Variants in NAA15 observed in about 807,000 individuals in gnomAD.
NAA15 encodes the protein N-terminal acetyltransferase.
In NAA15, 34 loss-of-function variants were observed where a neutral mutation model predicts 114.0. The ratio of observed to expected loss-of-function variants is 0.30; its 90% CI spans 0.23 to 0.40. The LOEUF (loss-of-function observed/expected upper bound fraction) is 0.40, where lower values mean the gene tolerates loss of function less well. Ranked by LOEUF, NAA15 falls within the 10% of genes least tolerant of loss-of-function variation. The pLI, the probability that NAA15 is intolerant of heterozygous loss-of-function variation, is 1.00. For synonymous variants in NAA15, 340 were observed against 338.0 expected, an observed-to-expected ratio of 1.01 and a Z score of -0.06; for missense variants, 658 against 1,004.5, an observed-to-expected ratio of 0.66 and a Z score of 4.66.
rs117673937 is a variant in NAA15 at position 139,352,559 on chromosome 4, A to G, written c.1014+948A>G. On this transcript the variant is annotated intron_variant, in intron 9 of 19. Coordinates refer to ENST00000296543, the MANE Select transcript of NAA15 (RefSeq NM_057175.5). Reference sequence around the variant, plus strand: ...GAAACACTTTAACCAGAATTACATAATGTGCATTTATTTGCCGGTCTTTTG... The same window carrying G: ...GAAACACTTTAACCAGAATTACATAGTGTGCATTTATTTGCCGGTCTTTTG... 3.7e-4 allele frequency among the ~76,000 whole-genome samples: 57 copies of G among 152,140 alleles called. No individual in the cohort carries two copies. In the East Asian group the frequency reaches 9.1e-3, roughly 24 times the overall value.
chr4:139,376,062 C>T (rs1042638661), intron 15 of NAA15, among the ~76,000 whole-genome samples: 2 of 152,126 alleles, frequency 1.3e-5, no homozygotes, highest in Non-Finnish European at 2.9e-5. Context: ...CTTCTTTCTT[C>T]CCCCTTGGCT....
intron 15 of NAA15, among the ~76,000 whole-genome samples, chr4:139,374,166 A>G (rs1748520889): frequency 6.6e-6 from 1 of 152,180 alleles, no homozygotes. Context: ...ATATCTTAAT[A>G]TGAGGATTAG....
At chr4:139,365,549 G>T (rs1332385832) in intron 14 of NAA15, among the ~76,000 whole-genome samples, 2 of 152,032 alleles carry the variant, frequency 1.3e-5, no homozygotes, top group Admixed American at 1.3e-4. Context: ...ACAATGTATG[G>T]GGTATGGGCT....
rs565253122 is a variant in NAA15 at position 139,388,756 on chromosome 4, A to G, written c.*672A>G. 22 of 152,770 alleles carry G rather than the reference A, an allele frequency of 1.4e-4. No homozygotes were observed. Among genetic ancestry groups the G allele is most frequent in the Admixed American group, 7.8e-4 (12 of 15,302 alleles). The allele number at this position is 152,770 out of a possible 1,614,324, so 9.5% of individuals were successfully genotyped here. ...TTCTTGTACCACAGTTTTTAACTGA[A>G]GGAACCAGTTGTAACAGTCTCAATT... On this transcript the variant is annotated 3_prime_UTR_variant, in exon 20 of 20. Transcript: ENST00000296543.
intron 1 of NAA15, among the ~76,000 whole-genome samples, chr4:139,321,147 C>G (rs1046238966): frequency 7.3e-5 from 11 of 151,138 alleles, no homozygotes; most frequent in African/African-American, 2.4e-4. Context: ...CCAAATATTT[C>G]TAATTTTTTT....
intron 1 of NAA15, among the ~76,000 whole-genome samples, chr4:139,308,670 C>G (rs1443324250): frequency 6.6e-6 from 1 of 152,158 alleles, no homozygotes; most frequent in Non-Finnish European, 1.5e-5. Flanking sequence ...GTGATCTCAG[C>G]TCACTGCACT....
intron 14 of NAA15, among the ~76,000 whole-genome samples, chr4:139,364,481 C>G (rs1579125917): frequency 1.3e-5 from 2 of 152,110 alleles, no homozygotes; most frequent in East Asian, 3.9e-4. Context: ...ACCTCCCTTC[C>G]TCCCCAAAAT....
chr4:139,381,946 A>G (rs1748767166), intron 17 of NAA15, among the ~76,000 whole-genome samples: 1 of 152,170 alleles, frequency 6.6e-6, no homozygotes, highest in Non-Finnish European at 1.5e-5. Context: ...TTGATTCTCA[A>G]GACTTATTAC....
chr4:139,356,431 T>C (rs536741217), intron 10 of NAA15: 32 of 152,334 alleles, frequency 2.1e-4, no homozygotes, highest in African/African-American at 7.5e-4. Flanking sequence ...ATTAATTTAA[T>C]AGTACTTTTT....
At chr4:139,314,991 T>TCAGGTCAGGTCAGGTCAGG (rs1560952660) in intron 1 of NAA15, among the ~76,000 whole-genome samples, 1 of 67,464 alleles carries the variant, frequency 1.5e-5, no homozygotes. Context: ...AAGCGTTCAG[T>TCAGGTCAGGTCAGGTCAGG]TCAGTTCAGT....
At chr4:139,324,346 A>G (rs930444816) in intron 1 of NAA15, among the ~76,000 whole-genome samples, 19 of 152,252 alleles carry the variant, frequency 1.2e-4, no homozygotes, top group African/African-American at 4.3e-4. Flanking sequence ...TGTTACAGGT[A>G]GGAGGACAAA....
chr4:139,308,527 C>G (rs1553991899), intron 1 of NAA15, among the ~76,000 whole-genome samples: 1 of 151,980 alleles, frequency 6.6e-6, no homozygotes, highest in African/African-American at 2.4e-5. Context: ...TAGAATATAA[C>G]AAAAAATCAA....
intron 15 of NAA15, 31 bp downstream of exon 15, chr4:139,370,435 G>A: frequency 6.7e-7 from 1 of 1,496,680 alleles, no homozygotes. Context: ...GCACAATTGA[G>A]TGACATTTTA....
rs1318298107 is a variant in NAA15 at position 139,360,564 on chromosome 4, C to T, written c.1475C>T (p.Ala492Val). 6.2e-7 allele frequency: 1 copy of T among 1,609,374 alleles called. No individual in the cohort carries two copies. ...TGCATGTGGTTCCAAACAGAATGTG[C>T]CCAGGCTTATAAAGCAATGAATAAA... ...MQCMWFQTEC[A>V]QAYKAMNKFG... The change falls in exon 13 of 20, where the codon GCC (alanine) becomes GTC (valine). Residue 492 changes from alanine (A) to valine (V), a missense_variant. Ala to Val is a moderately conservative substitution (Grantham distance 64, BLOSUM62 0). Transcript: ENST00000296543.
intron 1 of NAA15, among the ~76,000 whole-genome samples, chr4:139,326,147 T>C (rs888539664): frequency 2.0e-5 from 3 of 152,232 alleles, no homozygotes; most frequent in Admixed American, 2.0e-4. Context: ...TTTTATGTTT[T>C]TTTGTAAAAT....
chr4:139,366,741 T>C (rs951041933), intron 14 of NAA15, among the ~76,000 whole-genome samples: 30 of 152,084 alleles, frequency 2.0e-4, no homozygotes, highest in African/African-American at 6.3e-4. Context: ...GCCACGTAGG[T>C]AGGACTACAG....
chr4:139,321,543 C>T (rs1349441009), intron 1 of NAA15, among the ~76,000 whole-genome samples: 2 of 144,986 alleles, frequency 1.4e-5, no homozygotes, highest in Admixed American at 1.4e-4. Flanking sequence ...GAAATCTCTG[C>T]CCACTGCAAG....
At chr4:139,366,231 T>C (rs985731703) in intron 14 of NAA15, among the ~76,000 whole-genome samples, 1 of 152,124 alleles carries the variant, frequency 6.6e-6, no homozygotes, top group Non-Finnish European at 1.5e-5. Flanking sequence ...TCTTAGGAAG[T>C]TGTAGTTGAG....
Position 139,357,573 on chromosome 4 carries a change from TATTTTCTTATAAGGTA to T in NAA15, c.1257+21_1257+36del. On this transcript the variant is annotated intron_variant, in intron 11 of 19. Coordinates refer to ENST00000296543, the MANE Select transcript of NAA15 (RefSeq NM_057175.5). ...TCTATAAGGTAAAAATCTTTTTTTCTATTTTCTTATAAGGTAATGAGACTTGTCATGAACTTTTTCT... is the reference window on the plus strand; with the variant it reads ...TCTATAAGGTAAAAATCTTTTTTTCTATGAGACTTGTCATGAACTTTTTCT... 6.7e-7 allele frequency: 1 copy of T among 1,493,630 alleles called. No homozygotes were observed. Among genetic ancestry groups the T allele is most frequent in the Non-Finnish European group, 9.2e-7 (1 of 1,090,068 alleles). 92.5% of individuals were successfully genotyped at this position (1,493,630 alleles called of 1,614,324 possible).
Sources: gnomAD v4.1 joint callset for allele counts (sites outside exome capture counted in the v4.1 genomes callset) on GRCh38, gnomAD v4.1.1 for gene constraint, MANE v1.5 for transcripts, NCBI Gene and HGNC (gene_info 2026-07-23, HGNC 2026-07-21) for gene names.